The following TSC22D3 variants were observed in gnomAD, a reference collection of about 807,000 sequenced individuals.
TSC22D3 encodes TSC22 domain family member 3, also known as TSC22 domain family protein 3.
TSC22D3 carries 4 observed loss-of-function variants against 11.1 expected under a neutral mutation model. That is an observed-to-expected ratio of 0.36 (90% CI 0.18 to 0.83). The LOEUF (loss-of-function observed/expected upper bound fraction) is 0.83, where lower values mean the gene tolerates loss of function less well. Among genes scored for constraint, TSC22D3 ranks in the 40% least tolerant of loss-of-function variants. TSC22D3 has a pLI of 0.48. For missense variants in TSC22D3, 118 were observed against 159.4 expected, an observed-to-expected ratio of 0.74 and a Z score of 1.40; for synonymous variants, 77 against 70.3, an observed-to-expected ratio of 1.10 and a Z score of -0.48.
intron 1 of TSC22D3, among the ~76,000 whole-genome samples, chrX:107,754,131 T>G (rs1929064976): frequency 9.0e-6 from 1 of 110,707 alleles, no homozygotes; most frequent in Non-Finnish European, 1.9e-5. Flanking sequence ...ATGTTGGCCA[T>G]GCTGGTCTCG....
chrX:107,715,252 T>C (rs937153054), intron 2 of TSC22D3, among the ~76,000 whole-genome samples: 2 of 112,291 alleles, frequency 1.8e-5, no homozygotes, highest in South Asian at 7.4e-4. Context: ...CACATTGAAT[T>C]GCAGCTGTCC....
intron 1 of TSC22D3, among the ~76,000 whole-genome samples, chrX:107,763,082 C>T (rs1177354208): frequency 9.1e-6 from 1 of 110,377 alleles, no homozygotes; most frequent in East Asian, 2.8e-4. Flanking sequence ...GTCTCGAACT[C>T]TTGACCTCAT....
intron 1 of TSC22D3, 137 bp from the exon 2 acceptor site, chrX:107,716,087 G>A (rs576147779): frequency 2.7e-6 from 2 of 746,282 alleles, no homozygotes; most frequent in East Asian, 3.4e-5. Flanking sequence ...CCAGAGTTCC[G>A]GACAGTTTGT....
At position 107,713,689 on chromosome X, in the gene TSC22D3, G is replaced by A. The variant is rs944132117; in HGVS notation, c.*830C>T. 9 of 111,452 alleles carry A rather than the reference G, an allele frequency of 8.1e-5. No homozygotes were observed. The highest frequency in any genetic ancestry group is 1.3e-4 in the African/African-American group (4 of 30,432). 9.2% of individuals were successfully genotyped at this position (111,452 alleles called of 1,213,427 possible). A position where few individuals can be genotyped will look rare whatever the true frequency, so the allele number is the denominator to read the frequency against. Reference sequence around the variant, plus strand: ...GGCCCCCCTCCTTGCCTTTACTCTCGAGTCTTACTTAACCTAAAAGACAAA... The same window carrying A: ...GGCCCCCCTCCTTGCCTTTACTCTCAAGTCTTACTTAACCTAAAAGACAAA... On this transcript the variant is annotated 3_prime_UTR_variant, in exon 3 of 3. Coordinates refer to ENST00000372383, the MANE Select transcript of TSC22D3 (RefSeq NM_198057.3).
chrX:107,743,199 A>G (rs1276250094), intron 1 of TSC22D3, among the ~76,000 whole-genome samples: 2 of 112,407 alleles, frequency 1.8e-5, no homozygotes, highest in African/African-American at 3.2e-5. Flanking sequence ...AACGACAAAC[A>G]CAGCCTGGGA....
intron 1 of TSC22D3, among the ~76,000 whole-genome samples, chrX:107,732,740 A>G (rs17254207): frequency 0.2 from 21,923 of 110,204 alleles, 2,113 homozygotes; most frequent in Non-Finnish European, 0.28. Flanking sequence ...CATTAGGCCA[A>G]TTCTGGACTT....
At chrX:107,739,376 G>A (rs893395223) in intron 1 of TSC22D3, among the ~76,000 whole-genome samples, 4 of 112,641 alleles carry the variant, frequency 3.6e-5, no homozygotes, top group Admixed American at 1.9e-4. Context: ...ACGCACACAC[G>A]CACACACAGG....
chrX:107,750,006 G>A (rs1424683942), intron 1 of TSC22D3, among the ~76,000 whole-genome samples: 1 of 111,776 alleles, frequency 8.9e-6, no homozygotes, highest in African/African-American at 3.3e-5. Context: ...TGGATCCAAG[G>A]GGGGCATGGT....
intron 1 of TSC22D3, among the ~76,000 whole-genome samples, chrX:107,743,109 G>A (rs992888392): frequency 4.4e-5 from 5 of 112,592 alleles, no homozygotes; most frequent in African/African-American, 1.6e-4. Context: ...GCCCCACCAC[G>A]CCCATCCAAG....
intron 1 of TSC22D3, among the ~76,000 whole-genome samples, chrX:107,747,178 A>G (rs1428923449): frequency 2.7e-5 from 3 of 112,970 alleles, no homozygotes; most frequent in Non-Finnish European, 5.6e-5. Flanking sequence ...GGCCTGCGGC[A>G]AGATGGTGAA....
intron 1 of TSC22D3, among the ~76,000 whole-genome samples, chrX:107,759,145 C>T (rs1419526573): frequency 9.0e-6 from 1 of 111,569 alleles, no homozygotes; most frequent in Non-Finnish European, 1.9e-5. Context: ...GGATTACAGA[C>T]GTGAGCCACT....
intron 1 of TSC22D3, among the ~76,000 whole-genome samples, chrX:107,750,320 C>T (rs945147722): frequency 9.2e-6 from 1 of 108,864 alleles, no homozygotes; most frequent in African/African-American, 3.4e-5. Context: ...CACCTTCCAC[C>T]TGTGGTCCCA....
intron 1 of TSC22D3, among the ~76,000 whole-genome samples, chrX:107,719,898 C>A (rs1004888182): frequency 9.0e-6 from 1 of 111,711 alleles, no homozygotes; most frequent in East Asian, 2.8e-4. Flanking sequence ...CTTTATGAGA[C>A]GGCCATGCTC....
intron 1 of TSC22D3, among the ~76,000 whole-genome samples, chrX:107,738,226 C>T (rs776206031): frequency 1.2e-4 from 13 of 112,722 alleles, no homozygotes; most frequent in Admixed American, 1.1e-3. Flanking sequence ...AGTTTGGTTC[C>T]CTTGCTGGTC....
chrX:107,714,385 G>T lies in TSC22D3; in HGVS notation c.*134C>A. The T allele has an allele frequency of 1.7e-6, 1 of 578,532 alleles. No homozygotes were observed. The highest frequency in any genetic ancestry group is 3.8e-5 in the Admixed American group (1 of 26,055). 47.7% of individuals were successfully genotyped at this position (578,532 alleles called of 1,213,427 possible). A position where few individuals can be genotyped will look rare whatever the true frequency, so the allele number is the denominator to read the frequency against. ...GTGGACCCAGGTGGCCATGTCCTTA[G>T]GACATCTCTTGGCACCAGCTGTGCT... is the stretch of plus-strand genomic sequence containing the variant. On this transcript the variant is annotated 3_prime_UTR_variant, in exon 3 of 3. Transcript: ENST00000372383.
At chrX:107,757,245 A>G (rs1251619233) in intron 1 of TSC22D3, among the ~76,000 whole-genome samples, 1 of 112,038 alleles carries the variant, frequency 8.9e-6, no homozygotes, top group African/African-American at 3.2e-5. Flanking sequence ...GGCTTACAAC[A>G]TATTTTGTTG....
intron 1 of TSC22D3, among the ~76,000 whole-genome samples, chrX:107,757,300 C>A (rs950559357): frequency 7.2e-5 from 8 of 111,615 alleles, no homozygotes; most frequent in African/African-American, 2.6e-4. Flanking sequence ...CCCCACTCCC[C>A]GGTCTAATGT....
At chrX:107,746,405 C>G (rs2147764609) in intron 1 of TSC22D3, among the ~76,000 whole-genome samples, 1 of 111,345 alleles carries the variant, frequency 9.0e-6, no homozygotes, top group African/African-American at 3.3e-5. Context: ...ACAAGACAGA[C>G]AGACACACAC....
intron 1 of TSC22D3, among the ~76,000 whole-genome samples, chrX:107,746,649 C>T (rs1928674080): frequency 8.9e-6 from 1 of 111,904 alleles, no homozygotes; most frequent in Non-Finnish European, 1.9e-5. Context: ...TTTTTCCATA[C>T]CTTTTTTGCA....
Sources: gnomAD v4.1 joint callset for allele counts (sites outside exome capture counted in the v4.1 genomes callset) on GRCh38, gnomAD v4.1.1 for gene constraint, MANE v1.5 for transcripts, NCBI Gene and HGNC (gene_info 2026-07-23, HGNC 2026-07-21) for gene names.